Variants in KCNJ6 observed in about 807,000 individuals in gnomAD.
KCNJ6 encodes G protein-activated inward rectifier potassium channel 2.
A neutral mutation model predicts 34.2 loss-of-function variants in KCNJ6; 9 were observed. That is an observed-to-expected ratio of 0.26 (90% confidence interval 0.16 to 0.46). The LOEUF is 0.46. Ranked by LOEUF, KCNJ6 falls within the 20% of genes least tolerant of loss-of-function variation. The pLI is 1.00. For missense variants in KCNJ6, 236 were observed against 531.3 expected (o/e 0.44, Z 5.46); for synonymous variants, 196 against 207.1 (o/e 0.95, Z 0.46).
At chr21:37,865,886 AG>A (rs2055620130) in intron 1 of KCNJ6, among the ~76,000 whole-genome samples, 1 of 152,210 alleles carries the variant, frequency 6.6e-6, no homozygotes, top group Admixed American at 6.5e-5. Flanking sequence ...CAACCGTTGC[AG>A]AACACACATT....
intron 2 of KCNJ6, among the ~76,000 whole-genome samples, chr21:37,818,193 CGTGT>C (rs200661921): frequency 6.2e-5 from 6 of 97,274 alleles, no homozygotes; most frequent in Non-Finnish European, 1.2e-4. Context: ...CTTAAAAGTG[CGTGT>C]GTGTGTGTGC....
intron 1 of KCNJ6, among the ~76,000 whole-genome samples, chr21:37,880,360 T>G (rs964815581): frequency 6.6e-6 from 1 of 152,206 alleles, no homozygotes; most frequent in African/African-American, 2.4e-5. Context: ...AGAGAAACAT[T>G]GGAATTTAGT....
chr21:37,727,373 T>G (rs1291902533), intron 2 of KCNJ6, among the ~76,000 whole-genome samples: 1 of 152,088 alleles, frequency 6.6e-6, no homozygotes, highest in Admixed American at 6.5e-5. Flanking sequence ...GTGACTCACC[T>G]GTGAGGGAGT....
chr21:37,714,502 A>C lies in KCNJ6; in HGVS notation c.655T>G (p.Cys219Gly). Residue 219 changes from cysteine (C) to glycine (G), a missense_variant, in exon 3 of 4, where the codon TGC (cysteine) becomes GGC (glycine). Physicochemically the swap from Cys to Gly is radical, Grantham distance 159. Coordinates refer to ENST00000609713, the MANE Select transcript of KCNJ6 (RefSeq NM_002240.5). This position sits in a 1 kb window ranked among gnomAD's most constrained non-coding sequence, Gnocchi z 5.9. Reference sequence around the variant, plus strand: ...AGGTCCCCTACCCGGAACATCAGGCACAGTTTCCCATCCCGCATGGAGATC... The same window carrying C: ...AGGTCCCCTACCCGGAACATCAGGCCCAGTTTCCCATCCCGCATGGAGATC... ...AVISMRDGKLCLMFRVGDLRN... is the reference protein window; with the variant it reads ...AVISMRDGKLGLMFRVGDLRN... The C allele has an allele frequency of 1.9e-6, 3 of 1,614,182 alleles. No individual in the cohort carries two copies. The highest frequency in any genetic ancestry group is 2.5e-6 in the Non-Finnish European group (3 of 1,180,034).
intron 1 of KCNJ6, among the ~76,000 whole-genome samples, chr21:37,891,634 C>T (rs2055762538): frequency 6.6e-6 from 1 of 152,072 alleles, no homozygotes; most frequent in Non-Finnish European, 1.5e-5. Context: ...CATTTCCAGG[C>T]TTTCTTAGAC....
At chr21:37,704,656 C>T (rs145578552) in intron 3 of KCNJ6, among the ~76,000 whole-genome samples, 3 of 149,336 alleles carry the variant, frequency 2.0e-5, no homozygotes, top group South Asian at 4.2e-4. Context: ...CAGTATGAGT[C>T]GTCGTCATCA....
chr21:37,634,045 G>A (rs144760464), intron 3 of KCNJ6, among the ~76,000 whole-genome samples: 5 of 152,282 alleles, frequency 3.3e-5, no homozygotes, highest in African/African-American at 9.6e-5. Flanking sequence ...TTAGATCACA[G>A]GACATATTTA....
chr21:37,753,402 T>C (rs537397772), intron 2 of KCNJ6, among the ~76,000 whole-genome samples: 8 of 152,328 alleles, frequency 5.3e-5, no homozygotes, highest in African/African-American at 1.9e-4. Context: ...AGATAGGCTA[T>C]GATGTGAGAA....
intron 2 of KCNJ6, among the ~76,000 whole-genome samples, chr21:37,814,876 G>T (rs2055338932): frequency 7.6e-6 from 1 of 131,580 alleles, no homozygotes; most frequent in African/African-American, 3.1e-5. Flanking sequence ...CAGCCTGGGT[G>T]ACAGAGCGAG....
At chr21:37,711,946 G>A (rs996798204) in intron 3 of KCNJ6, among the ~76,000 whole-genome samples, 3 of 152,178 alleles carry the variant, frequency 2.0e-5, no homozygotes, top group East Asian at 3.8e-4. Flanking sequence ...AGGCCATAGG[G>A]TGCTCAGAGG....
intron 3 of KCNJ6, among the ~76,000 whole-genome samples, chr21:37,651,398 C>T (rs1186421018): frequency 6.6e-6 from 1 of 152,116 alleles, no homozygotes; most frequent in African/African-American, 2.4e-5. Context: ...ATAGGATCCT[C>T]CTCTCTGTGT....
chr21:37,783,469 A>G (rs1291345317), intron 2 of KCNJ6, among the ~76,000 whole-genome samples: 1 of 152,104 alleles, frequency 6.6e-6, no homozygotes, highest in Admixed American at 6.6e-5. Flanking sequence ...TGCCACCACC[A>G]TGTAAGAAGT....
At chr21:37,727,418 CAGAG>C (rs1456280565) in intron 2 of KCNJ6, among the ~76,000 whole-genome samples, 1 of 151,018 alleles carries the variant, frequency 6.6e-6, no homozygotes, top group Non-Finnish European at 1.5e-5. Context: ...TATTTAAAGG[CAGAG>C]AGAGCTGGAG....
At chr21:37,889,428 A>G (rs1207900772) in intron 1 of KCNJ6, among the ~76,000 whole-genome samples, 1 of 147,988 alleles carries the variant, frequency 6.8e-6, no homozygotes, top group Non-Finnish European at 1.5e-5. Context: ...TGACGGCAGA[A>G]GAACAGGGTA....
At chr21:37,776,424 C>A (rs891637716) in intron 2 of KCNJ6, among the ~76,000 whole-genome samples, 1 of 151,992 alleles carries the variant, frequency 6.6e-6, no homozygotes, top group Admixed American at 6.6e-5. Flanking sequence ...CTGTCTTGTG[C>A]CAGTTTTCAA....
At chr21:37,835,533 G>GT (rs1208880684) in intron 2 of KCNJ6, among the ~76,000 whole-genome samples, 1 of 152,242 alleles carries the variant, frequency 6.6e-6, no homozygotes, top group Non-Finnish European at 1.5e-5. Context: ...GGAAATTTAT[G>GT]TAAGAACAGC....
At chr21:37,782,209 C>A (rs893356021) in intron 2 of KCNJ6, among the ~76,000 whole-genome samples, 1 of 152,068 alleles carries the variant, frequency 6.6e-6, no homozygotes, top group South Asian at 2.1e-4. Context: ...CCTCTAGAAG[C>A]TGGAAAAGGC....
intron 3 of KCNJ6, among the ~76,000 whole-genome samples, chr21:37,649,155 G>A (rs9636926): frequency 0.3 from 37,668 of 124,476 alleles, 5,774 homozygotes; most frequent in East Asian, 0.43. Context: ...AAAAAAAAAA[G>A]AAAGAAAAAG....
chr21:37,825,213 G>A (rs1454459025), intron 2 of KCNJ6, among the ~76,000 whole-genome samples: 3 of 152,170 alleles, frequency 2.0e-5, no homozygotes, highest in African/African-American at 4.8e-5. Context: ...CTGGATCGTC[G>A]AGGCCAATTT....
Sources: gnomAD v4.1 joint callset for allele counts (sites outside exome capture counted in the v4.1 genomes callset) on GRCh38, gnomAD v4.1.1 for gene constraint, Gnocchi (gnomAD v3.1) non-coding constraint, MANE v1.5 for transcripts, NCBI Gene and HGNC (gene_info 2026-07-23, HGNC 2026-07-21) for gene names.